MKLN1: variants seen among roughly 807,000 people sequenced by gnomAD.
MKLN1 encodes the protein muskelin.
MKLN1 carries 18 observed loss-of-function variants against 99.0 expected under a neutral mutation model. That is an observed-to-expected ratio of 0.18 (90% CI 0.13 to 0.27). MKLN1 has a LOEUF of 0.27. MKLN1 is among the 10% of genes least tolerant of loss of function. The pLI, the probability that MKLN1 is intolerant of heterozygous loss-of-function variation, is 1.00. For missense variants in MKLN1, 621 were observed against 875.9 expected (o/e 0.71, Z 3.67); for synonymous variants, 288 against 293.2 (o/e 0.98, Z 0.18).
chr7:131,366,453 G>GA (rs1800183450), intron 1 of MKLN1, among the ~76,000 whole-genome samples: 1 of 152,088 alleles, frequency 6.6e-6, no homozygotes. Context: ...GCCCTTATCA[G>GA]AAAAAATGTT....
chr7:131,316,007 T>C (rs1488840974), intron 3 of MKLN1, among the ~76,000 whole-genome samples: 1 of 152,214 alleles, frequency 6.6e-6, no homozygotes, highest in African/African-American at 2.4e-5. Flanking sequence ...TAATCTTTCC[T>C]GCCTGCTGGC....
intron 3 of MKLN1, among the ~76,000 whole-genome samples, chr7:131,239,927 A>C (rs534323822): frequency 6.6e-6 from 1 of 152,344 alleles, no homozygotes; most frequent in African/African-American, 2.4e-5. Context: ...CACGCCTATA[A>C]TCCCAGCACT....
chr7:131,364,713 A>G (rs1800127715), intron 1 of MKLN1, among the ~76,000 whole-genome samples: 1 of 152,060 alleles, frequency 6.6e-6, no homozygotes, highest in Non-Finnish European at 1.5e-5. Flanking sequence ...CCCACTTATA[A>G]ATGAGAACAT....
chr7:131,193,513 C>T (rs555460790), intron 2 of MKLN1, among the ~76,000 whole-genome samples: 42 of 152,094 alleles, frequency 2.8e-4, no homozygotes, highest in Middle Eastern at 3.4e-3. Flanking sequence ...ACTACAGGTG[C>T]GCACCACCAT....
intron 17 of MKLN1, among the ~76,000 whole-genome samples, chr7:131,482,618 G>C (rs1385380948): frequency 6.6e-6 from 1 of 152,116 alleles, no homozygotes; most frequent in African/African-American, 2.4e-5. Flanking sequence ...TCCTAGCCAG[G>C]CATGGTGGTG....
chr7:131,327,806 G>A, upstream of MKLN1: 2 of 1,480,426 alleles, frequency 1.4e-6, no homozygotes, highest in Non-Finnish European at 1.8e-6. Context: ...GGGCGGCCGG[G>A]GAGGGCGGCG....
At chr7:131,272,717 G>T (rs1372150328) in intron 3 of MKLN1, among the ~76,000 whole-genome samples, 3 of 152,278 alleles carry the variant, frequency 2.0e-5, no homozygotes, top group Non-Finnish European at 4.4e-5. Flanking sequence ...CTTCTTACAT[G>T]GTGGTAGCAA....
intron 2 of MKLN1, among the ~76,000 whole-genome samples, chr7:131,375,791 A>G (rs1301243390): frequency 2.0e-5 from 3 of 151,642 alleles, no homozygotes; most frequent in East Asian, 3.9e-4. Context: ...CTCTGACTCA[A>G]TGACTATCTT....
intron 3 of MKLN1, among the ~76,000 whole-genome samples, chr7:131,208,818 T>A (rs979210872): frequency 4.0e-5 from 6 of 151,284 alleles, no homozygotes; most frequent in Non-Finnish European, 8.8e-5. Flanking sequence ...TGTAGGGGAG[T>A]TGGAAAATGA....
At chr7:131,166,849 C>T (rs928727671) in intron 2 of MKLN1, among the ~76,000 whole-genome samples, 7 of 152,060 alleles carry the variant, frequency 4.6e-5, no homozygotes, top group Non-Finnish European at 8.8e-5. Context: ...CCATGCTGGG[C>T]TACTTTTTGT....
intron 3 of MKLN1, among the ~76,000 whole-genome samples, chr7:131,289,268 A>C (rs981163782): frequency 6.6e-6 from 1 of 152,176 alleles, no homozygotes; most frequent in African/African-American, 2.4e-5. Flanking sequence ...AGAAACCTAG[A>C]AGGGGGTTTA....
At chr7:131,388,291 G>A (rs1359803421) in intron 3 of MKLN1, among the ~76,000 whole-genome samples, 1 of 152,182 alleles carries the variant, frequency 6.6e-6, no homozygotes, top group African/African-American at 2.4e-5. Flanking sequence ...GAAATGTAAA[G>A]CAACCTGAGG....
chr7:131,183,180 C>A (rs534537204), intron 2 of MKLN1, among the ~76,000 whole-genome samples: 1 of 152,338 alleles, frequency 6.6e-6, no homozygotes, highest in South Asian at 2.1e-4. Context: ...AGTGCCTCTT[C>A]TGATGACTTC....
At chr7:131,180,867 T>C (rs779496391) in intron 2 of MKLN1, among the ~76,000 whole-genome samples, 26 of 152,172 alleles carry the variant, frequency 1.7e-4, no homozygotes, top group Non-Finnish European at 2.9e-4. Context: ...AGAAAATTAT[T>C]TGTACTCTAC....
chr7:131,368,237 A>T (rs1800240665), intron 1 of MKLN1, among the ~76,000 whole-genome samples: 1 of 152,220 alleles, frequency 6.6e-6, no homozygotes, highest in African/African-American at 2.4e-5. Flanking sequence ...ATCTTACTTT[A>T]TGTTTTGAAA....
intron 2 of MKLN1, among the ~76,000 whole-genome samples, chr7:131,190,739 A>G (rs151023647): frequency 5.9e-5 from 9 of 152,298 alleles, no homozygotes; most frequent in Non-Finnish European, 1.3e-4. Context: ...GCAGATTGCT[A>G]TAAGACCCAC....
intron 2 of MKLN1, among the ~76,000 whole-genome samples, chr7:131,161,473 A>G (rs1273001555): frequency 6.6e-6 from 1 of 152,238 alleles, no homozygotes; most frequent in African/African-American, 2.4e-5. Context: ...TGATGCTACA[A>G]GTGGCATTGT....
intron 13 of MKLN1, among the ~76,000 whole-genome samples, chr7:131,463,633 A>C (rs1796580317): frequency 6.6e-6 from 1 of 152,176 alleles, no homozygotes; most frequent in South Asian, 2.1e-4. Flanking sequence ...TCTCAAGTAG[A>C]TGTGTGAACT....
intron 1 of MKLN1, among the ~76,000 whole-genome samples, chr7:131,354,181 A>T (rs1029554211): frequency 2.6e-5 from 4 of 152,092 alleles, no homozygotes; most frequent in Admixed American, 2.0e-4. Flanking sequence ...TGGGATTTTG[A>T]TAGGAATTAC....
Sources: gnomAD v4.1 joint callset for allele counts (sites outside exome capture counted in the v4.1 genomes callset) on GRCh38, gnomAD v4.1.1 for gene constraint, MANE v1.5 for transcripts, NCBI Gene and HGNC (gene_info 2026-07-23, HGNC 2026-07-21) for gene names.